TIMM23B: variants seen among roughly 807,000 people sequenced by gnomAD.
The protein encoded by TIMM23B is mitochondrial import inner membrane translocase subunit Tim23B.
In TIMM23B, 27 loss-of-function variants were observed where a neutral mutation model predicts 27.3. That is an observed-to-expected ratio of 0.99 (90% CI 0.73 to 1.36). The LOEUF (loss-of-function observed/expected upper bound fraction) is 1.36, where lower values mean the gene tolerates loss of function less well. TIMM23B is among the 40% of genes most tolerant of loss of function. TIMM23B has a pLI of 0.00. For synonymous variants in TIMM23B, 73 were observed against 92.4 expected, an observed-to-expected ratio of 0.79 and a Z score of 1.21; for missense variants, 205 against 244.2, an observed-to-expected ratio of 0.84 and a Z score of 1.07.
At chr10:49,959,836 C>T (rs1839839294) in intron 6 of TIMM23B, among the ~76,000 whole-genome samples, 1 of 151,822 alleles carries the variant, frequency 6.6e-6, no homozygotes, top group Non-Finnish European at 1.5e-5. Context: ...GCAACCTCCA[C>T]CTCCTGGGAT....
intron 6 of TIMM23B, among the ~76,000 whole-genome samples, chr10:49,966,257 C>T (rs2490916): frequency 0.48 from 72,627 of 150,268 alleles, 17,711 homozygotes; most frequent in African/African-American, 0.59. Context: ...CTTTGGGCAA[C>T]AGAGCAAGTC....
chr10:49,942,262 A>T lies in TIMM23B; in HGVS notation c.68A>T (p.Glu23Val). 6.2e-7 allele frequency: 1 copy of T among 1,612,774 alleles called. No homozygotes were observed. The highest frequency in any genetic ancestry group is 1.1e-5 in the South Asian group (1 of 90,830). ...GVLAGFFGAG[E>V]AGYSHADLAG... ...TTGGCCGGCTTTTTCGGAGCCGGCGAAGCAGGTTACTCGCACGCGGATTTG... is the reference window on the plus strand; with the variant it reads ...TTGGCCGGCTTTTTCGGAGCCGGCGTAGCAGGTTACTCGCACGCGGATTTG... Residue 23 changes from glutamate to valine, a missense_variant, in exon 1 of 7, where the codon GAA becomes GTA. Transcript: ENST00000651259.
At chr10:49,956,273 A>C (rs1839717756) in intron 5 of TIMM23B, among the ~76,000 whole-genome samples, 1 of 152,092 alleles carries the variant, frequency 6.6e-6, no homozygotes, top group East Asian at 1.9e-4. Flanking sequence ...GAAAGAGTTT[A>C]AAAGTTTAAC....
intron 6 of TIMM23B, among the ~76,000 whole-genome samples, chr10:49,968,742 G>A (rs1323734515): frequency 1.3e-5 from 2 of 152,130 alleles, no homozygotes; most frequent in Admixed American, 1.3e-4. Flanking sequence ...GGCTGAGACA[G>A]GAGAATGGCG....
rs1840525801 is a variant in TIMM23B at position 49,973,171 on chromosome 10, C to T, written c.*107C>T. The T allele has an allele frequency of 6.2e-6, 4 of 642,072 alleles. No homozygotes were observed. The highest frequency in any genetic ancestry group is 1.1e-5 in the Non-Finnish European group (4 of 369,260). The allele number at this position is 642,072 out of a possible 1,614,324, so 39.8% of individuals were successfully genotyped here. Reference sequence around the variant, plus strand: ...AGTGTACCTCTGACATTTTAACCACCTCTGACTTTTCCATGGAATGGACAA... The same window carrying T: ...AGTGTACCTCTGACATTTTAACCACTTCTGACTTTTCCATGGAATGGACAA... On this transcript the variant is annotated 3_prime_UTR_variant, in exon 7 of 7. Coordinates refer to ENST00000651259, the MANE Select transcript of TIMM23B (RefSeq NM_001290117.2).
At chr10:49,968,729 G>A (rs1228731274) in intron 6 of TIMM23B, among the ~76,000 whole-genome samples, 8 of 152,042 alleles carry the variant, frequency 5.3e-5, no homozygotes, top group Non-Finnish European at 1.2e-4. Context: ...CAGCTACTAG[G>A]GAGGCTGAGA....
chr10:49,950,625 C>A (rs1200112386), intron 2 of TIMM23B, among the ~76,000 whole-genome samples: 4 of 151,064 alleles, frequency 2.6e-5, no homozygotes, highest in Non-Finnish European at 4.4e-5. Flanking sequence ...TCACTGCAAC[C>A]TCCACCCCCG....
chr10:49,969,425 A>AGG (rs1330294173), intron 6 of TIMM23B, among the ~76,000 whole-genome samples: 1 of 131,296 alleles, frequency 7.6e-6, no homozygotes, highest in Non-Finnish European at 1.6e-5. Context: ...CGACAGAGTG[A>AGG]GACCCTGTGT....
Position 49,973,090 on chromosome 10 carries a change from T to C in TIMM23B, c.*26T>C. The C allele has an allele frequency of 6.5e-7, 1 of 1,531,920 alleles. No individual in the cohort carries two copies. The highest frequency in any genetic ancestry group is 8.7e-7 in the Non-Finnish European group (1 of 1,145,312). 94.9% of individuals were successfully genotyped at this position (1,531,920 alleles called of 1,614,324 possible). On this transcript the variant is annotated 3_prime_UTR_variant, in exon 7 of 7. Coordinates refer to ENST00000651259, the MANE Select transcript of TIMM23B (RefSeq NM_001290117.2). ...ACCCAGCTGTAGAGGTGTGTGTCAA[T>C]CCCAACTGGTGAAGTACTGAGAAGA...
chr10:49,958,964 T>G (rs1470066672), intron 6 of TIMM23B, among the ~76,000 whole-genome samples: 2 of 152,242 alleles, frequency 1.3e-5, no homozygotes, highest in Non-Finnish European at 2.9e-5. Flanking sequence ...TAAATAATAT[T>G]CATTCTGTGT....
chr10:49,965,534 A>G (rs1454453722), intron 6 of TIMM23B, among the ~76,000 whole-genome samples: 3 of 151,234 alleles, frequency 2.0e-5, no homozygotes, highest in Non-Finnish European at 4.4e-5. Context: ...AACAAATGAA[A>G]TGAAATGAAA....
rs1840553981 is a variant in TIMM23B at position 49,973,853 on chromosome 10, G to A, written c.*789G>A. 1 of 146,646 alleles carries A rather than the reference G, an allele frequency of 6.8e-6. No homozygotes were observed. Among genetic ancestry groups the A allele is most frequent in the African/African-American group, 2.6e-5 (1 of 38,486 alleles). The allele number at this position is 146,646 out of a possible 1,614,324, so 9.1% of individuals were successfully genotyped here. Reference sequence around the variant, plus strand: ...GGAGTCTTGCTCTGTTGCCAGGCTGGAGTGCAGTGGTGCTCTCAGCTCACT... The same window carrying A: ...GGAGTCTTGCTCTGTTGCCAGGCTGAAGTGCAGTGGTGCTCTCAGCTCACT... On this transcript the variant is annotated 3_prime_UTR_variant, in exon 7 of 7. Transcript: ENST00000651259.
Position 49,945,049 on chromosome 10 carries a change from C to T in TIMM23B, c.124C>T (p.Leu42=). 1.3e-6 allele frequency: 2 copies of T among 1,599,118 alleles called. No individual in the cohort carries two copies. The highest frequency in any genetic ancestry group is 1.7e-6 in the Non-Finnish European group (2 of 1,168,128). The change falls in exon 2 of 7, where the codon CTG becomes TTG. Residue 42 remains leucine, a synonymous_variant. Coordinates refer to ENST00000651259, the MANE Select transcript of TIMM23B (RefSeq NM_001290117.2). ...CTCTCTAGTAACTGGTATGAACCCT[C>T]TGTGTCCTTATTTAAATGTGGATCC... ...AGVPLTGMNP[L]CPYLNVDPRY...
At chr10:49,945,721 A>C (rs2133048760) in intron 2 of TIMM23B, among the ~76,000 whole-genome samples, 1 of 152,310 alleles carries the variant, frequency 6.6e-6, no homozygotes, top group East Asian at 1.9e-4. Flanking sequence ...TAGCAAATAT[A>C]TCTTGGGTAT....
Position 49,952,196 on chromosome 10 carries a change from C to G in TIMM23B, c.236C>G (p.Thr79Arg), listed in dbSNP as rs1236158212. ...GGCAGATTTGAGCTGGCCTTCTTTA[C>G]GATTGGAGGGTGTTGCATGACAGGT... ...TWGRFELAFF[T>R]IGGCCMTGAA... Residue 79 changes from threonine to arginine, a missense_variant, in exon 3 of 7, where the codon ACG (threonine) becomes AGG (arginine). Thr to Arg is a moderately conservative substitution (Grantham distance 71, BLOSUM62 -1). Transcript: ENST00000651259. The G allele has an allele frequency of 1.9e-6, 3 of 1,605,770 alleles. No homozygotes were observed. The African/African-American group carries it at 4.0e-5, about 21-fold the overall frequency.
At chr10:49,969,208 A>G (rs1275532494) in intron 6 of TIMM23B, among the ~76,000 whole-genome samples, 2 of 152,232 alleles carry the variant, frequency 1.3e-5, no homozygotes, top group South Asian at 2.1e-4. Context: ...CTATAATCCC[A>G]GCACTTTGGG....
intron 6 of TIMM23B, chr10:49,970,314 CT>C: frequency 3.8e-5 from 6 of 157,674 alleles, no homozygotes; most frequent in Non-Finnish European, 8.3e-5. Context: ...TGAGGAGCGC[CT>C]TTTCCCGGCT....
intron 6 of TIMM23B, among the ~76,000 whole-genome samples, chr10:49,963,477 A>G (rs1839994135): frequency 1.3e-5 from 2 of 152,192 alleles, no homozygotes; most frequent in South Asian, 2.1e-4. Context: ...ATGAGATGAC[A>G]TGAGATGAAA....
intron 2 of TIMM23B, among the ~76,000 whole-genome samples, chr10:49,946,114 C>G (rs1457835010): frequency 6.6e-6 from 1 of 151,550 alleles, no homozygotes; most frequent in Non-Finnish European, 1.5e-5. Context: ...CGCTTGAACC[C>G]TGGATACAAA....
Sources: gnomAD v4.1 joint callset for allele counts (sites outside exome capture counted in the v4.1 genomes callset) on GRCh38, gnomAD v4.1.1 for gene constraint, MANE v1.5 for transcripts, NCBI Gene and HGNC (gene_info 2026-07-23, HGNC 2026-07-21) for gene names.